The following CNTNAP2 variants were observed in gnomAD, a reference collection of about 807,000 sequenced individuals.
CNTNAP2 encodes the protein contactin-associated protein-like 2.
CNTNAP2 carries 98 observed loss-of-function variants against 155.2 expected under a neutral mutation model. The ratio of observed to expected loss-of-function variants is 0.63; its 90% CI spans 0.54 to 0.75. The LOEUF (loss-of-function observed/expected upper bound fraction) is 0.75, where lower values mean the gene tolerates loss of function less well. CNTNAP2 is among the 30% of genes least tolerant of loss of function. The pLI is 0.00. For synonymous variants in CNTNAP2, 651 were observed against 631.2 expected (o/e 1.03, Z -0.47); for missense variants, 1,727 against 1,688.1 (o/e 1.02, Z -0.40).
intron 1 of CNTNAP2, among the ~76,000 whole-genome samples, chr7:146,669,743 A>T (rs1372955381): frequency 6.6e-6 from 1 of 152,214 alleles, no homozygotes; most frequent in Non-Finnish European, 1.5e-5. Context: ...TAGGAACTGG[A>T]TATTTAAAAG....
At chr7:147,321,360 C>T (rs1795347644) in intron 9 of CNTNAP2, among the ~76,000 whole-genome samples, 1 of 152,204 alleles carries the variant, frequency 6.6e-6, no homozygotes, top group African/African-American at 2.4e-5. Flanking sequence ...TTACTTCCTT[C>T]TAAAGCTGCC....
At chr7:148,404,554 G>A (rs929466649) in intron 22 of CNTNAP2, among the ~76,000 whole-genome samples, 3 of 152,206 alleles carry the variant, frequency 2.0e-5, no homozygotes, top group African/African-American at 7.2e-5. Context: ...AGGCAAGTGG[G>A]TGCCACCGCT....
At chr7:147,049,112 A>G (rs1010506309) in intron 4 of CNTNAP2, among the ~76,000 whole-genome samples, 40 of 152,216 alleles carry the variant, frequency 2.6e-4, no homozygotes, top group Non-Finnish European at 5.6e-4. Flanking sequence ...GTCTCATAAC[A>G]GGAAACAGAG....
At chr7:147,651,572 T>C (rs1795451536) in intron 13 of CNTNAP2, among the ~76,000 whole-genome samples, 1 of 152,206 alleles carries the variant, frequency 6.6e-6, no homozygotes, top group African/African-American at 2.4e-5. Flanking sequence ...GTCAGCATAG[T>C]CAGGTGAGAT....
At chr7:147,390,224 A>G (rs1482583202) in intron 9 of CNTNAP2, among the ~76,000 whole-genome samples, 1 of 152,206 alleles carries the variant, frequency 6.6e-6, no homozygotes. Context: ...CACCAGTTAC[A>G]TAATGTTTCA....
chr7:147,045,686 G>A (rs767397908), intron 4 of CNTNAP2, among the ~76,000 whole-genome samples: 1 of 152,108 alleles, frequency 6.6e-6, no homozygotes, highest in Non-Finnish European at 1.5e-5. Flanking sequence ...AGAGTGTCAT[G>A]TTCACACATA....
intron 1 of CNTNAP2, among the ~76,000 whole-genome samples, chr7:146,502,850 A>G (rs1797326988): frequency 6.6e-6 from 1 of 152,142 alleles, no homozygotes; most frequent in Non-Finnish European, 1.5e-5. Context: ...CCTGACCTCA[A>G]GTGATCTGCC....
chr7:147,176,906 AATAT>A (rs1180542532), intron 8 of CNTNAP2, among the ~76,000 whole-genome samples: 1 of 130,554 alleles, frequency 7.7e-6, no homozygotes, highest in Non-Finnish European at 1.6e-5. Context: ...TAATAATTAT[AATAT>A]ATAATTTTAA....
chr7:146,712,894 T>C lies in CNTNAP2; in HGVS notation c.98-61377T>C, dbSNP rs551614105. Among the ~76,000 whole-genome samples, 324 of 152,084 alleles carry C rather than the reference T, an allele frequency of 2.1e-3. 2 individuals carry two copies. The highest frequency in any genetic ancestry group is 0.014 in the Middle Eastern group (4 of 294). The stretch of plus-strand genomic sequence containing the variant: ...CTTGGGATTTTTTTTTGCCTTATAT[T>C]TTTCTATTGGCTTATTTTCCTTTAT... On this transcript the variant is annotated intron_variant, in intron 1 of 23. Transcript: ENST00000361727.
At chr7:146,549,965 A>G (rs1292021702) in intron 1 of CNTNAP2, among the ~76,000 whole-genome samples, 1 of 152,100 alleles carries the variant, frequency 6.6e-6, no homozygotes, top group Non-Finnish European at 1.5e-5. Context: ...CCATGTTGTT[A>G]TTAGTCTGAT....
intron 8 of CNTNAP2, among the ~76,000 whole-genome samples, chr7:147,237,205 A>C (rs1803828821): frequency 6.6e-6 from 1 of 151,784 alleles, no homozygotes; most frequent in Non-Finnish European, 1.5e-5. Flanking sequence ...AGCTGGGACT[A>C]CAGGCACATG....
chr7:147,802,504 C>T (rs897094854), intron 13 of CNTNAP2, among the ~76,000 whole-genome samples: 2 of 152,200 alleles, frequency 1.3e-5, no homozygotes, highest in African/African-American at 4.8e-5. Context: ...CTGAGTGAAC[C>T]AGACTCCGTC....
chr7:146,880,277 A>ATT (rs1279961908), intron 3 of CNTNAP2, among the ~76,000 whole-genome samples: 2 of 152,018 alleles, frequency 1.3e-5, no homozygotes, highest in African/African-American at 4.8e-5. Context: ...TCGTGATGGG[A>ATT]TTAGAGCCCT....
chr7:147,620,735 T>A (rs192635716), intron 12 of CNTNAP2, among the ~76,000 whole-genome samples: 91 of 151,934 alleles, frequency 6.0e-4, no homozygotes, highest in African/African-American at 2.0e-3. Flanking sequence ...ATGAAGCACA[T>A]CTACAGGATC....
At chr7:148,047,856 A>G (rs745667103) in intron 15 of CNTNAP2, among the ~76,000 whole-genome samples, 1 of 152,226 alleles carries the variant, frequency 6.6e-6, no homozygotes, top group South Asian at 2.1e-4. Context: ...AAAAGCCACA[A>G]TTCAACTTGA....
At chr7:147,449,133 T>C (rs1797790069) in intron 10 of CNTNAP2, among the ~76,000 whole-genome samples, 1 of 152,208 alleles carries the variant, frequency 6.6e-6, no homozygotes, top group African/African-American at 2.4e-5. Context: ...AACACTCATA[T>C]ACCTATTGAA....
chr7:148,210,166 G>A (rs12671638), intron 18 of CNTNAP2, among the ~76,000 whole-genome samples: 8 of 152,212 alleles, frequency 5.3e-5, no homozygotes, highest in Non-Finnish European at 8.8e-5. Context: ...AAAGCCCACA[G>A]CAATGAAATG....
intron 15 of CNTNAP2, among the ~76,000 whole-genome samples, chr7:148,009,917 A>T (rs368502088): frequency 1.1e-4 from 17 of 152,142 alleles, no homozygotes; most frequent in East Asian, 5.8e-4. Flanking sequence ...GAATTAATTT[A>T]TTGCTTCCAT....
intron 1 of CNTNAP2, among the ~76,000 whole-genome samples, chr7:146,442,407 A>T (rs906706720): frequency 6.6e-6 from 1 of 151,958 alleles, no homozygotes; most frequent in Admixed American, 6.6e-5. Context: ...CAATAGAGGA[A>T]ACTAGGAAAA....
Sources: allele counts gnomAD v4.1 joint callset (sites outside exome capture counted in the v4.1 genomes callset), GRCh38; gene constraint gnomAD v4.1.1; transcripts MANE v1.5; gene names NCBI Gene and HGNC (gene_info 2026-07-23, HGNC 2026-07-21).